Variants in P2RY11 observed in about 807,000 individuals in gnomAD.
The protein encoded by P2RY11 is purinergic receptor P2Y11.
In P2RY11, 3 loss-of-function variants were observed where a neutral mutation model predicts 2.4. That is an observed-to-expected ratio of 1.22 (90% CI 0.56 to 3.17). The LOEUF is 3.17. Ranked by LOEUF, P2RY11 falls within the 30% of genes most tolerant of loss-of-function variation. P2RY11 has a pLI of 0.03. For missense variants in P2RY11, 670 were observed against 528.2 expected (o/e 1.27, Z -2.63); for synonymous variants, 307 against 237.3 (o/e 1.29, Z -2.70).
In P2RY11 at chr19:10,113,939, TC is replaced by T; in HGVS notation, c.327del (p.Phe109LeufsTer41). 6.2e-7 allele frequency: 1 copy of T among 1,602,992 alleles called. No homozygotes were observed. The highest frequency in any genetic ancestry group is 8.5e-7 in the Non-Finnish European group (1 of 1,179,866). ...GCGTGCCGCCTGGAGCGCTTCCTCTTCACCTGCAACCTGCTGGGCAGCGTCA... is the reference window on the plus strand; with the variant it reads ...GCGTGCCGCCTGGAGCGCTTCCTCTTACCTGCAACCTGCTGGGCAGCGTCA... ...EAACRLERFL[F>X]TCNLLGSVIF... On this transcript the variant is annotated frameshift_variant, in exon 2 of 2. Coordinates refer to ENST00000321826, the MANE Select transcript of P2RY11 (RefSeq NM_002566.5). LOFTEE classifies it low-confidence loss of function (END_TRUNC).
At chr19:10,113,597 G>GA in intron 1 of P2RY11, 36 bp from the exon 2 acceptor site, 1 of 1,585,720 alleles carries the variant, frequency 6.3e-7, no homozygotes, top group Non-Finnish European at 8.6e-7. Flanking sequence ...CCTTATGGGG[G>GA]AATAGGGCTC....
In P2RY11 at chr19:10,111,707, G is replaced by A. The variant is rs773850360; in HGVS notation, c.-15G>A. On this transcript the variant is annotated 5_prime_UTR_variant, in exon 1 of 2. Coordinates refer to ENST00000321826, the MANE Select transcript of P2RY11 (RefSeq NM_002566.5). ...AACTGGGTAGCAGACACAGGCTGAG[G>A]ATCGGCACGGGAGCATGGCAGCCAA... 1 of 1,613,802 alleles carries A rather than the reference G, an allele frequency of 6.2e-7. No homozygotes were observed. Among genetic ancestry groups the A allele is most frequent in the Non-Finnish European group, 8.5e-7 (1 of 1,179,900 alleles).
intron 1 of P2RY11, among the ~76,000 whole-genome samples, chr19:10,112,954 T>C (rs1377215403): frequency 1.3e-5 from 2 of 149,264 alleles, no homozygotes; most frequent in African/African-American, 4.9e-5. Flanking sequence ...AAAAAAAAAG[T>C]CTGGGTGCGA....
At position 10,113,681 on chromosome 19, in the gene P2RY11, T is replaced by G; in HGVS notation, c.68T>G (p.Leu23Arg). 4 of 1,590,856 alleles carry G rather than the reference T, an allele frequency of 2.5e-6. No individual in the cohort carries two copies. Among genetic ancestry groups the G allele is most frequent in the South Asian group, 2.3e-5 (2 of 87,936 alleles). Reference protein sequence around the residue: ...ANFLAAADDKLSGFQGDFLWP... With the variant: ...ANFLAAADDKRSGFQGDFLWP... ...TTCTTGGCAGCTGCCGACGACAAAC[T>G]CAGTGGGTTCCAGGGGGACTTCCTG... is the stretch of plus-strand genomic sequence containing the variant. Residue 23 changes from leucine (L) to arginine (R), a missense_variant, in exon 2 of 2, where the codon CTC becomes CGC. Leu to Arg is a moderately radical substitution (Grantham distance 102). Coordinates refer to ENST00000321826, the MANE Select transcript of P2RY11 (RefSeq NM_002566.5).
chr19:10,114,928 A>G lies in P2RY11; in HGVS notation c.*190A>G, dbSNP rs2089211612. The G allele has an allele frequency of 1.5e-6, 2 of 1,372,542 alleles. No individual in the cohort carries two copies. The highest frequency in any genetic ancestry group is 1.4e-5 in the African/African-American group (1 of 69,998). 85.0% of individuals were successfully genotyped at this position (1,372,542 alleles called of 1,614,324 possible). A position where few individuals can be genotyped will look rare whatever the true frequency, so the allele number is the denominator to read the frequency against. ...CAGCGCTGGCCACAGGGCTCCCTGC[A>G]GGGTCAGGGACCAGACCACGCCCAG... On this transcript the variant is annotated 3_prime_UTR_variant, in exon 2 of 2. Coordinates refer to ENST00000321826, the MANE Select transcript of P2RY11 (RefSeq NM_002566.5).
In P2RY11 at chr19:10,113,675, A is replaced by ATATG; in HGVS notation, c.62_63insTATG (p.Lys22MetfsTer18). 6.2e-7 allele frequency: 1 copy of ATATG among 1,612,814 alleles called. No homozygotes were observed. Among genetic ancestry groups the ATATG allele is most frequent in the Non-Finnish European group, 8.5e-7 (1 of 1,179,170 alleles). On this transcript the variant is annotated frameshift_variant, in exon 2 of 2. Coordinates refer to ENST00000321826, the MANE Select transcript of P2RY11 (RefSeq NM_002566.5). LOFTEE classifies it low-confidence loss of function (END_TRUNC). ...GCCAACTTCTTGGCAGCTGCCGACG[A>ATATG]CAAACTCAGTGGGTTCCAGGGGGAC... is the stretch of plus-strand genomic sequence containing the variant.
Position 10,114,250 on chromosome 19 carries a change from G to C in P2RY11, c.637G>C (p.Gly213Arg). Reference protein sequence around the residue: ...RAYSLVLAGLGCGLPLLLTLA... With the variant: ...RAYSLVLAGLRCGLPLLLTLA... ...GTATAGCCTGGTGCTGGCGGGGTTG[G>C]GCTGCGGCCTGCCGCTGCTGCTCAC... Residue 213 changes from glycine to arginine, a missense_variant, in exon 2 of 2, where the codon GGC becomes CGC. By Grantham distance (125) the Gly-to-Arg change is moderately radical. Transcript: ENST00000321826. The C allele has an allele frequency of 6.3e-7, 1 of 1,598,620 alleles. No homozygotes were observed. Among genetic ancestry groups the C allele is most frequent in the Non-Finnish European group, 8.5e-7 (1 of 1,179,060 alleles).
Position 10,114,035 on chromosome 19 carries a change from T to A in P2RY11, c.422T>A (p.Leu141Gln). The part of the protein sequence containing the change: ...IVHPFFARSH[L>Q]RPKHAWAVSA... Reference sequence around the variant, plus strand: ...CACCCCTTCTTCGCCCGAAGCCACCTGCGACCCAAGCACGCCTGGGCCGTG... The same window carrying A: ...CACCCCTTCTTCGCCCGAAGCCACCAGCGACCCAAGCACGCCTGGGCCGTG... The change falls in exon 2 of 2, where the codon CTG becomes CAG. Residue 141 changes from leucine to glutamine, a missense_variant. By Grantham distance (113) the Leu-to-Gln change is moderately radical. Coordinates refer to ENST00000321826, the MANE Select transcript of P2RY11 (RefSeq NM_002566.5). 1 of 1,601,064 alleles carries A rather than the reference T, an allele frequency of 6.2e-7. No individual in the cohort carries two copies. The highest frequency in any genetic ancestry group is 1.1e-5 in the South Asian group (1 of 91,058).
Position 10,114,654 on chromosome 19 carries a change from C to G in P2RY11, c.1041C>G (p.Ala347=), listed in dbSNP as rs113663291. Residue 347 remains alanine (A), a synonymous_variant, in exon 2 of 2, where the codon GCC becomes GCG. Coordinates refer to ENST00000321826, the MANE Select transcript of P2RY11 (RefSeq NM_002566.5). The part of the protein sequence containing the change: ...GYRDSWNPED[A]KSTGQALPLN... ...GGGACAGCTGGAACCCAGAGGACGCCAAGAGCACTGGCCAAGCCCTGCCCC... is the reference window on the plus strand; with the variant it reads ...GGGACAGCTGGAACCCAGAGGACGCGAAGAGCACTGGCCAAGCCCTGCCCC... The G allele has an allele frequency of 4.3e-6, 7 of 1,614,048 alleles. No individual in the cohort carries two copies. Among genetic ancestry groups the G allele is most frequent in the African/African-American group, 4.0e-5 (3 of 75,050 alleles).
Position 10,115,294 on chromosome 19 carries a change from A to G in P2RY11, c.*556A>G. 1 of 1,112,112 alleles carries G rather than the reference A, an allele frequency of 9.0e-7. No individual in the cohort carries two copies. The highest frequency in any genetic ancestry group is 1.6e-5 in the South Asian group (1 of 62,182). The allele number at this position is 1,112,112 out of a possible 1,614,324, so 68.9% of individuals were successfully genotyped here. A position where few individuals can be genotyped will look rare whatever the true frequency, so the allele number is the denominator to read the frequency against. On this transcript the variant is annotated 3_prime_UTR_variant, in exon 2 of 2. Transcript: ENST00000321826. ...CTCCAGGCCTGGTCCACGGACTGGC[A>G]GGGACCCCAGGCACAAGAGCTGCCA...
At position 10,114,815 on chromosome 19, in the gene P2RY11, A is replaced by C; in HGVS notation, c.*77A>C. 1.3e-6 allele frequency: 2 copies of C among 1,525,158 alleles called. No individual in the cohort carries two copies. The highest frequency in any genetic ancestry group is 2.6e-5 in the South Asian group (2 of 78,004). 94.5% of individuals were successfully genotyped at this position (1,525,158 alleles called of 1,614,324 possible). On this transcript the variant is annotated 3_prime_UTR_variant, in exon 2 of 2. Transcript: ENST00000321826. ...GAGGGCAGGGCCCGAGCCCCGACACATCCCTTCCCCCAAAAAGCAACACCT... is the reference window on the plus strand; with the variant it reads ...GAGGGCAGGGCCCGAGCCCCGACACCTCCCTTCCCCCAAAAAGCAACACCT...
chr19:10,112,659 C>T (rs920751083), intron 1 of P2RY11, among the ~76,000 whole-genome samples: 8 of 152,172 alleles, frequency 5.3e-5, no homozygotes, highest in African/African-American at 1.9e-4. Flanking sequence ...CTGGGTGTGG[C>T]TGGGCACGGT....
chr19:10,113,300 C>G (rs575534954), intron 1 of P2RY11, among the ~76,000 whole-genome samples: 91 of 152,276 alleles, frequency 6.0e-4, no homozygotes, highest in Middle Eastern at 3.4e-3. Context: ...TGAAGTGGAG[C>G]CGGCAGGCCT....
chr19:10,114,948 G>C lies in P2RY11; in HGVS notation c.*210G>C. ...CCTGCAGGGTCAGGGACCAGACCACGCCCAGAGGAGGGGAGGCACTGGCCC... is the reference window on the plus strand; with the variant it reads ...CCTGCAGGGTCAGGGACCAGACCACCCCCAGAGGAGGGGAGGCACTGGCCC... On this transcript the variant is annotated 3_prime_UTR_variant, in exon 2 of 2. Coordinates refer to ENST00000321826, the MANE Select transcript of P2RY11 (RefSeq NM_002566.5). 7.2e-7 allele frequency: 1 copy of C among 1,396,356 alleles called. No homozygotes were observed. Among genetic ancestry groups the C allele is most frequent in the Non-Finnish European group, 9.9e-7 (1 of 1,015,140 alleles). 86.5% of individuals were successfully genotyped at this position (1,396,356 alleles called of 1,614,324 possible).
In P2RY11 at chr19:10,114,206, G is replaced by A; in HGVS notation, c.593G>A (p.Gly198Glu). 6 of 1,600,272 alleles carry A rather than the reference G, an allele frequency of 3.7e-6. No individual in the cohort carries two copies. Among genetic ancestry groups the A allele is most frequent in the Non-Finnish European group, 5.1e-6 (6 of 1,179,482 alleles). ...AAGTGTCTGGGGACAGCAGACCACG[G>A]GCTGGCGGCCTACAGAGCGTATAGC... ...CIKCLGTADH[G>E]LAAYRAYSLV... The change falls in exon 2 of 2, where the codon GGG (glycine) becomes GAG (glutamate). Residue 198 changes from glycine (G) to glutamate (E), a missense_variant. Transcript: ENST00000321826.
In P2RY11 at chr19:10,115,096, T is replaced by C. The variant is rs779369377; in HGVS notation, c.*358T>C. 6.2e-7 allele frequency: 1 copy of C among 1,613,792 alleles called. No homozygotes were observed. Among genetic ancestry groups the C allele is most frequent in the Non-Finnish European group, 8.5e-7 (1 of 1,179,956 alleles). ...CTGTCGCCAAGGGTCCCGGACCGAGTACACAGTGGCAGCTGGCTTAGTTGG... is the reference window on the plus strand; with the variant it reads ...CTGTCGCCAAGGGTCCCGGACCGAGCACACAGTGGCAGCTGGCTTAGTTGG... On this transcript the variant is annotated 3_prime_UTR_variant, in exon 2 of 2. Coordinates refer to ENST00000321826, the MANE Select transcript of P2RY11 (RefSeq NM_002566.5).
At position 10,114,218 on chromosome 19, in the gene P2RY11, A is replaced by G. The variant is rs1231675581; in HGVS notation, c.605A>G (p.Tyr202Cys). ...LGTADHGLAA[Y>C]RAYSLVLAGL... ...ACAGCAGACCACGGGCTGGCGGCCT[A>G]CAGAGCGTATAGCCTGGTGCTGGCG... Residue 202 changes from tyrosine (Y) to cysteine (C), a missense_variant, in exon 2 of 2, where the codon TAC (tyrosine) becomes TGC (cysteine). By Grantham distance (194) the Tyr-to-Cys change is radical. Coordinates refer to ENST00000321826, the MANE Select transcript of P2RY11 (RefSeq NM_002566.5). 1.3e-6 allele frequency: 2 copies of G among 1,599,940 alleles called. No homozygotes were observed. The highest frequency in any genetic ancestry group is 1.1e-5 in the South Asian group (1 of 91,062).
chr19:10,113,918 G>A lies in P2RY11; in HGVS notation c.305G>A (p.Cys102Tyr). ...PKHWRYGEAACRLERFLFTCN... is the reference protein window; with the variant it reads ...PKHWRYGEAAYRLERFLFTCN... ...CACTGGCGCTATGGGGAGGCCGCGT[G>A]CCGCCTGGAGCGCTTCCTCTTCACC... The change falls in exon 2 of 2, where the codon TGC (cysteine) becomes TAC (tyrosine). Residue 102 changes from cysteine (C) to tyrosine (Y), a missense_variant. Physicochemically the swap from Cys to Tyr is radical, Grantham distance 194. Coordinates refer to ENST00000321826, the MANE Select transcript of P2RY11 (RefSeq NM_002566.5). 1 of 1,604,350 alleles carries A rather than the reference G, an allele frequency of 6.2e-7. No individual in the cohort carries two copies. The highest frequency in any genetic ancestry group is 1.1e-5 in the South Asian group (1 of 91,088).
chr19:10,113,593 G>A (rs369720682), intron 1 of P2RY11, 40 bp from the exon 2 acceptor site: 110 of 1,577,256 alleles, frequency 7.0e-5, no homozygotes, highest in Non-Finnish European at 9.4e-5. Context: ...GCCGCCTTAT[G>A]GGGGAATAGG....
Sources: gnomAD v4.1 joint callset for allele counts (sites outside exome capture counted in the v4.1 genomes callset) on GRCh38, gnomAD v4.1.1 for gene constraint, MANE v1.5 for transcripts, NCBI Gene and HGNC (gene_info 2026-07-23, HGNC 2026-07-21) for gene names.